RAD51B: variants seen among roughly 807,000 people sequenced by gnomAD.
The protein encoded by RAD51B is DNA repair protein RAD51 homolog 2.
Under a neutral mutation model 42.2 loss-of-function variants are expected in RAD51B, and 38 were observed. The ratio of observed to expected loss-of-function variants is 0.90; its 90% CI spans 0.70 to 1.18. The LOEUF (loss-of-function observed/expected upper bound fraction) is 1.18, where lower values mean the gene tolerates loss of function less well. RAD51B is among the 50% of genes most tolerant of loss of function. RAD51B has a pLI of 0.00. For synonymous variants in RAD51B, 154 were observed against 145.2 expected (o/e 1.06, Z -0.43); for missense variants, 373 against 400.7 (o/e 0.93, Z 0.59).
At chr14:68,344,961 A>AC (rs1211581621) in intron 8 of RAD51B, among the ~76,000 whole-genome samples, 279 of 150,974 alleles carry the variant, frequency 1.8e-3, no homozygotes, top group Admixed American at 2.7e-3. Flanking sequence ...AAAAAAAAAA[A>AC]AAAAAACAAC....
chr14:68,044,455 T>C (rs1014393346), intron 7 of RAD51B, among the ~76,000 whole-genome samples: 1 of 152,202 alleles, frequency 6.6e-6, no homozygotes, highest in Non-Finnish European at 1.5e-5. Context: ...ACACAAGATG[T>C]ATTTTGAGTT....
intron 8 of RAD51B, among the ~76,000 whole-genome samples, chr14:68,345,336 T>C (rs1444165850): frequency 1.3e-5 from 2 of 152,166 alleles, no homozygotes; most frequent in East Asian, 3.9e-4. Context: ...CATGTTAAAA[T>C]CCCCAGTGTT....
chr14:68,477,498 G>A, intron 10 of RAD51B, 150 bp from the exon 11 acceptor site: 1 of 956,516 alleles, frequency 1.0e-6, no homozygotes, highest in African/African-American at 1.7e-5. Flanking sequence ...CTGGATCTCT[G>A]GTTTGCAAGG....
At chr14:68,173,808 C>T (rs1382137612) in intron 7 of RAD51B, among the ~76,000 whole-genome samples, 1 of 152,166 alleles carries the variant, frequency 6.6e-6, no homozygotes, top group Non-Finnish European at 1.5e-5. Flanking sequence ...TTGAAACAGT[C>T]TTAAGATGAG....
chr14:68,089,540 C>A (rs931965895), intron 7 of RAD51B, among the ~76,000 whole-genome samples: 4 of 152,004 alleles, frequency 2.6e-5, no homozygotes, highest in Admixed American at 6.6e-5. Context: ...AACTCAATAC[C>A]CTACTATAAA....
At chr14:68,673,316 C>T (rs1296862167) in intron 11 of RAD51B, among the ~76,000 whole-genome samples, 1 of 152,144 alleles carries the variant, frequency 6.6e-6, no homozygotes, top group Non-Finnish European at 1.5e-5. Context: ...TATACATGCA[C>T]ACACATACAC....
At chr14:68,163,849 C>A (rs931271388) in intron 7 of RAD51B, among the ~76,000 whole-genome samples, 1 of 152,066 alleles carries the variant, frequency 6.6e-6, no homozygotes, top group Non-Finnish European at 1.5e-5. Context: ...AGTTCTTACT[C>A]GTTAGAATGC....
Position 68,168,042 on chromosome 14 carries a change from G to A in RAD51B, c.757-123842G>A, listed in dbSNP as rs143869294. On this transcript the variant is annotated intron_variant, in intron 7 of 10. Transcript: ENST00000471583. ...TCTGATAGTGACACTGTTTTGCTAAGCTGTGAGAGTTTGGAAGTGTCTCCC... is the reference window on the plus strand; with the variant it reads ...TCTGATAGTGACACTGTTTTGCTAAACTGTGAGAGTTTGGAAGTGTCTCCC... Among the ~76,000 whole-genome samples the A allele has an allele frequency of 3.7e-3, 560 of 152,174 alleles. 1 individual carries two copies. Among genetic ancestry groups the A allele is most frequent in the Middle Eastern group, 6.8e-3 (2 of 294 alleles).
At chr14:68,142,417 A>G (rs77065079) in intron 7 of RAD51B, among the ~76,000 whole-genome samples, 2,572 of 152,334 alleles carry the variant, frequency 0.017, 74 homozygotes, top group African/African-American at 0.059. Context: ...AATGATTTCT[A>G]TAATATAGGT....
At chr14:68,287,208 G>T (rs1211849030) in intron 7 of RAD51B, among the ~76,000 whole-genome samples, 1 of 152,122 alleles carries the variant, frequency 6.6e-6, no homozygotes, top group Non-Finnish European at 1.5e-5. Context: ...CTTTTTTAAA[G>T]ATCTTAATTT....
chr14:68,475,725 A>T (rs1427671938), intron 10 of RAD51B, among the ~76,000 whole-genome samples: 1 of 152,174 alleles, frequency 6.6e-6, no homozygotes, highest in Non-Finnish European at 1.5e-5. Context: ...CAGTTGAAAT[A>T]ACATTATTGA....
chr14:67,993,612 G>A (rs1342815179), intron 7 of RAD51B, among the ~76,000 whole-genome samples: 1 of 152,202 alleles, frequency 6.6e-6, no homozygotes, highest in Non-Finnish European at 1.5e-5. Flanking sequence ...CACTTAGGGT[G>A]CTTCCAAATC....
chr14:68,439,858 A>G lies in RAD51B; in HGVS notation c.958-28314A>G, dbSNP rs1445471060. 2.0e-5 allele frequency among the ~76,000 whole-genome samples: 3 copies of G among 152,346 alleles called. No individual in the cohort carries two copies. In the South Asian group the frequency reaches 6.2e-4, roughly 32 times the overall value. On this transcript the variant is annotated intron_variant, in intron 9 of 10. Coordinates refer to ENST00000471583, the MANE Select transcript of RAD51B (RefSeq NM_133510.4). ...CAAAAGAGGTGTGTTGAAATGTTCC[A>G]GGGTCTGTATGCACACATCCAAACC...
intron 8 of RAD51B, among the ~76,000 whole-genome samples, chr14:68,339,768 A>G (rs1214352493): frequency 6.6e-6 from 1 of 152,234 alleles, no homozygotes; most frequent in African/African-American, 2.4e-5. Flanking sequence ...ATCAGTCTAA[A>G]TGTTGAGAAA....
chr14:68,578,609 C>G (rs1440088624), intron 10 of RAD51B, among the ~76,000 whole-genome samples: 2 of 152,120 alleles, frequency 1.3e-5, no homozygotes, highest in Non-Finnish European at 2.9e-5. Context: ...TGGATAGCCT[C>G]TCTCCTTGAA....
intron 8 of RAD51B, among the ~76,000 whole-genome samples, chr14:68,384,142 A>AT (rs1270359598): frequency 3.3e-5 from 5 of 152,310 alleles, no homozygotes; most frequent in Middle Eastern, 3.4e-3. Context: ...AGCAAAATCC[A>AT]TTTGCATCAA....
intron 9 of RAD51B, among the ~76,000 whole-genome samples, chr14:68,454,908 A>G (rs1448865223): frequency 6.6e-6 from 1 of 152,242 alleles, no homozygotes; most frequent in Non-Finnish European, 1.5e-5. Context: ...CCAGGAATCT[A>G]GAGGGCCACA....
intron 9 of RAD51B, among the ~76,000 whole-genome samples, chr14:68,466,665 C>T (rs1244946445): frequency 4.6e-5 from 7 of 152,228 alleles, no homozygotes; most frequent in Non-Finnish European, 7.3e-5. Context: ...GTGGAGGGCA[C>T]GCAGTTTTCT....
chr14:68,519,901 A>C (rs1378839252), intron 10 of RAD51B, among the ~76,000 whole-genome samples: 1 of 152,252 alleles, frequency 6.6e-6, no homozygotes, highest in Non-Finnish European at 1.5e-5. Flanking sequence ...CTAAGGCAGA[A>C]AGAAAAAGAG....
Sources: gnomAD v4.1 joint callset for allele counts (sites outside exome capture counted in the v4.1 genomes callset) on GRCh38, gnomAD v4.1.1 for gene constraint, MANE v1.5 for transcripts, NCBI Gene and HGNC (gene_info 2026-07-23, HGNC 2026-07-21) for gene names.